Variants in WDR20 observed in about 807,000 individuals in gnomAD.
The protein encoded by WDR20 is WD repeat-containing protein 20.
A neutral mutation model predicts 38.7 loss-of-function variants in WDR20; 3 were observed. That is an observed-to-expected ratio of 0.08 (90% confidence interval 0.04 to 0.20). WDR20 has a LOEUF of 0.20. Among genes scored for constraint, WDR20 ranks in the 10% least tolerant of loss-of-function variants. The pLI, the probability that WDR20 is intolerant of heterozygous loss-of-function variation, is 1.00. For synonymous variants in WDR20, 298 were observed against 285.6 expected (o/e 1.04, Z -0.44); for missense variants, 559 against 727.7 (o/e 0.77, Z 2.67).
At position 102,148,427 on chromosome 14, in the gene WDR20, C is replaced by A. The variant is rs2054441842; in HGVS notation, c.249+8255C>A. 2.6e-5 allele frequency among the ~76,000 whole-genome samples: 4 copies of A among 151,682 alleles called. No individual in the cohort carries two copies. The South Asian group carries it at 8.3e-4, about 32-fold the overall frequency. On this transcript the variant is annotated intron_variant, in intron 1 of 2. Coordinates refer to ENST00000342702, the MANE Select transcript of WDR20 (RefSeq NM_144574.4). ...TGGTGGTGCACGCCTGTGGCCCCAG[C>A]TATTCAGGTGGCTTAGGTGGGAGAA...
intron 1 of WDR20, among the ~76,000 whole-genome samples, chr14:102,155,244 A>G (rs2057092753): frequency 6.6e-6 from 1 of 152,200 alleles, no homozygotes; most frequent in Middle Eastern, 3.4e-3. Flanking sequence ...TTATATAAAC[A>G]CTCTTTCAGA....
intron 1 of WDR20, among the ~76,000 whole-genome samples, chr14:102,185,600 T>C (rs2064468014): frequency 6.6e-6 from 1 of 152,170 alleles, no homozygotes; most frequent in African/African-American, 2.4e-5. Context: ...GCAGTTGTAC[T>C]TACTGCGCAG....
At chr14:102,178,580 C>A (rs1190282539) in intron 1 of WDR20, among the ~76,000 whole-genome samples, 3 of 151,900 alleles carry the variant, frequency 2.0e-5, no homozygotes, top group Non-Finnish European at 4.4e-5. Flanking sequence ...TTCTGGGCCC[C>A]TGCACTTGAA....
intron 1 of WDR20, among the ~76,000 whole-genome samples, chr14:102,162,408 T>G (rs1453421952): frequency 1.3e-5 from 2 of 152,128 alleles, no homozygotes; most frequent in African/African-American, 4.8e-5. Context: ...GGACTGTGAA[T>G]CTTGAGGGAA....
rs770833646 is a variant in WDR20 at position 102,208,981 on chromosome 14, A to G, written c.811A>G (p.Ser271Gly). The G allele has an allele frequency of 6.2e-7, 1 of 1,614,064 alleles. No homozygotes were observed. Among genetic ancestry groups the G allele is most frequent in the African/African-American group, 1.3e-5 (1 of 74,916 alleles). ...YFGGLLCVCWSPDGKYIVTGG... is the reference protein window; with the variant it reads ...YFGGLLCVCWGPDGKYIVTGG... ...TGGGGGCTTGCTGTGTGTGTGCTGGAGCCCGGATGGCAAGTACATCGTGAC... is the reference window on the plus strand; with the variant it reads ...TGGGGGCTTGCTGTGTGTGTGCTGGGGCCCGGATGGCAAGTACATCGTGAC... The change falls in exon 3 of 3, where the codon AGC becomes GGC. Residue 271 changes from serine to glycine, a missense_variant. By Grantham distance (56) the Ser-to-Gly change is moderately conservative. Coordinates refer to ENST00000342702, the MANE Select transcript of WDR20 (RefSeq NM_144574.4). The surrounding 1 kb of genome is among the most constrained non-coding windows in gnomAD (Gnocchi z 5.6).
At chr14:102,159,567 C>T (rs542116433) in intron 1 of WDR20, among the ~76,000 whole-genome samples, 49 of 152,288 alleles carry the variant, frequency 3.2e-4, no homozygotes, top group Admixed American at 1.2e-3. Flanking sequence ...GGTGCGGTGG[C>T]GCACGCCGGT....
At chr14:102,171,979 CAT>C (rs1434879942) in intron 1 of WDR20, among the ~76,000 whole-genome samples, 2 of 148,802 alleles carry the variant, frequency 1.3e-5, no homozygotes, top group Non-Finnish European at 3.0e-5. Flanking sequence ...TTGGCAGGGT[CAT>C]ATGTGGAGGG....
At chr14:102,192,368 G>A (rs779872734) in intron 1 of WDR20, among the ~76,000 whole-genome samples, 4 of 151,912 alleles carry the variant, frequency 2.6e-5, no homozygotes, top group African/African-American at 7.3e-5. Flanking sequence ...TAGTAGAGAT[G>A]GGGTTTCATC....
At chr14:102,188,121 G>GTC (rs890147127) in intron 1 of WDR20, among the ~76,000 whole-genome samples, 9 of 152,164 alleles carry the variant, frequency 5.9e-5, no homozygotes, top group African/African-American at 2.2e-4. Flanking sequence ...TTAAAATTAT[G>GTC]TCTAAGATTA....
Position 102,209,574 on chromosome 14 carries a change from C to G in WDR20, c.1404C>G (p.Asp468Glu), listed in dbSNP as rs780513433. The change falls in exon 3 of 3, where the codon GAC becomes GAG. Residue 468 changes from aspartate to glutamate, a missense_variant. By Grantham distance (45) the Asp-to-Glu change is conservative. Coordinates refer to ENST00000342702, the MANE Select transcript of WDR20 (RefSeq NM_144574.4). This position sits in a 1 kb window ranked among gnomAD's most constrained non-coding sequence, Gnocchi z 6.0. ...VSKFATLSLH[D>E]RKERHHEKDH... ...AATTTGCAACACTTTCACTACATGA[C>G]CGGAAGGAGAGGCACCACGAGAAAG... 2 of 1,614,130 alleles carry G rather than the reference C, an allele frequency of 1.2e-6. No individual in the cohort carries two copies. Among genetic ancestry groups the G allele is most frequent in the South Asian group, 2.2e-5 (2 of 91,076 alleles).
intron 1 of WDR20, among the ~76,000 whole-genome samples, chr14:102,161,575 G>T (rs542679298): frequency 6.6e-6 from 1 of 152,136 alleles, no homozygotes; most frequent in East Asian, 1.9e-4. Flanking sequence ...GAATGTTGTG[G>T]TTTACAAGTA....
At chr14:102,149,381 G>A (rs2054914847) in intron 1 of WDR20, among the ~76,000 whole-genome samples, 1 of 152,120 alleles carries the variant, frequency 6.6e-6, no homozygotes, top group Non-Finnish European at 1.5e-5. Flanking sequence ...TGCTCTGCAT[G>A]TGGCATAGCA....
intron 1 of WDR20, among the ~76,000 whole-genome samples, chr14:102,170,874 A>G (rs1460022634): frequency 1.3e-5 from 2 of 151,980 alleles, no homozygotes; most frequent in East Asian, 1.9e-4. Context: ...GATTTTGCTC[A>G]TGGTAGTTTT....
At position 102,220,906 on chromosome 14, in the gene WDR20, G is replaced by A. The variant is rs2063814535; in HGVS notation, c.1693-1924G>A. ...GCCACACAGCCTCCTGAGTAGCTGG[G>A]ATGACAGCCGTGCGCCACCACACCC... is the stretch of plus-strand genomic sequence containing the variant. On this transcript the variant is annotated intron_variant, in intron 3 of 3. Coordinates refer to the WDR20 transcript ENST00000335263. This position sits in a 1 kb window ranked among gnomAD's most constrained non-coding sequence, Gnocchi z 4.2. Among the ~76,000 whole-genome samples the A allele has an allele frequency of 6.6e-6, 1 of 152,054 alleles. No individual in the cohort carries two copies. Among genetic ancestry groups the A allele is most frequent in the Non-Finnish European group, 1.5e-5 (1 of 68,006 alleles).
At chr14:102,173,956 ATGGT>A (rs2061527726) in intron 1 of WDR20, among the ~76,000 whole-genome samples, 1 of 151,516 alleles carries the variant, frequency 6.6e-6, no homozygotes, top group Non-Finnish European at 1.5e-5. Context: ...AGGCAGGAGA[ATGGT>A]GTGAACCCGG....
At chr14:102,196,503 T>G (rs1235798671) in intron 2 of WDR20, among the ~76,000 whole-genome samples, 1 of 152,012 alleles carries the variant, frequency 6.6e-6, no homozygotes, top group Non-Finnish European at 1.5e-5. Context: ...TCATTGTGGG[T>G]TTTTATTGTT....
At chr14:102,178,917 A>G (rs1275744256) in intron 1 of WDR20, 1 of 152,034 alleles carries the variant, frequency 6.6e-6, no homozygotes, top group Admixed American at 6.6e-5. Flanking sequence ...TTTATATTAT[A>G]TAGAGATGAG....
intron 1 of WDR20, among the ~76,000 whole-genome samples, chr14:102,141,469 T>A (rs2051115453): frequency 6.6e-6 from 1 of 152,212 alleles, no homozygotes; most frequent in African/African-American, 2.4e-5. Context: ...TGGAAGTTAT[T>A]AAGGGTAAAT....
chr14:102,202,456 T>A (rs888840133), intron 2 of WDR20, among the ~76,000 whole-genome samples: 3 of 138,554 alleles, frequency 2.2e-5, no homozygotes, highest in Non-Finnish European at 1.5e-5. Context: ...CTCGGCTCAC[T>A]GCAAACCTCT....
Sources: allele counts gnomAD v4.1 joint callset (sites outside exome capture counted in the v4.1 genomes callset), GRCh38; gene constraint gnomAD v4.1.1; non-coding constraint Gnocchi (gnomAD v3.1); transcripts MANE v1.5; gene names NCBI Gene and HGNC (gene_info 2026-07-23, HGNC 2026-07-21).